The following AFF4 variants were observed in gnomAD, a reference collection of about 807,000 sequenced individuals.
The protein encoded by AFF4 is ALF transcription elongation factor 4, also known as AF4/FMR2 family member 4.
Under a neutral mutation model 124.8 loss-of-function variants are expected in AFF4, and 13 were observed. The ratio of observed to expected loss-of-function variants is 0.10; its 90% CI spans 0.07 to 0.17. AFF4 has a LOEUF of 0.17. Among genes scored for constraint, AFF4 ranks in the 10% least tolerant of loss-of-function variants. The pLI, the probability that AFF4 is intolerant of heterozygous loss-of-function variation, is 1.00. For missense variants in AFF4, 1,092 were observed against 1,403.8 expected, an observed-to-expected ratio of 0.78 and a Z score of 3.55; for synonymous variants, 477 against 496.1, an observed-to-expected ratio of 0.96 and a Z score of 0.51.
At chr5:132,959,763 T>C (rs1448284661) in intron 1 of AFF4, among the ~76,000 whole-genome samples, 2 of 135,496 alleles carry the variant, frequency 1.5e-5, no homozygotes, top group Non-Finnish European at 3.2e-5. Context: ...TTTTCTTTTT[T>C]TTTTTTTTTT....
At chr5:132,949,620 C>T (rs567955603) in intron 1 of AFF4, among the ~76,000 whole-genome samples, 20 of 151,310 alleles carry the variant, frequency 1.3e-4, no homozygotes, top group African/African-American at 3.9e-4. Context: ...GACCATCCTG[C>T]GGGTGGATCA....
chr5:132,929,436 G>A (rs1269973372), intron 4 of AFF4, among the ~76,000 whole-genome samples: 5 of 152,062 alleles, frequency 3.3e-5, no homozygotes, highest in African/African-American at 1.2e-4. Context: ...GAACTGTTGA[G>A]GATTCAGAGG....
intron 5 of AFF4, among the ~76,000 whole-genome samples, chr5:132,914,141 T>C (rs1324513873): frequency 6.6e-6 from 1 of 151,820 alleles, no homozygotes; most frequent in African/African-American, 2.4e-5. Context: ...GGCAGGAGAA[T>C]CCTTTGAACC....
chr5:132,905,025 G>A (rs1167263583), intron 5 of AFF4, among the ~76,000 whole-genome samples: 1 of 146,958 alleles, frequency 6.8e-6, no homozygotes, highest in African/African-American at 2.5e-5. Context: ...ACTCCAGCCT[G>A]GCAACAGGGC....
At chr5:132,917,517 G>A (rs987171150) in intron 5 of AFF4, among the ~76,000 whole-genome samples, 1 of 151,952 alleles carries the variant, frequency 6.6e-6, no homozygotes, top group Non-Finnish European at 1.5e-5. Flanking sequence ...ATTCTACCTA[G>A]TGCAATAAAG....
At chr5:132,962,214 A>C (rs1762095622) in intron 1 of AFF4, among the ~76,000 whole-genome samples, 1 of 152,198 alleles carries the variant, frequency 6.6e-6, no homozygotes, top group Non-Finnish European at 1.5e-5. Flanking sequence ...TCAATACAGA[A>C]ACGAAGCTTT....
chr5:132,934,929 C>T lies in AFF4; in HGVS notation c.136G>A (p.Asp46Asn). The T allele has an allele frequency of 6.4e-7, 1 of 1,557,238 alleles. No homozygotes were observed. Among genetic ancestry groups the T allele is most frequent in the Non-Finnish European group, 8.7e-7 (1 of 1,154,066 alleles). ...CTCTGAATACGACTTGATAACTTAT[C>T]TTCTTTGCTAGTCTACAAAAAAATA... ...AEPYKVTSKE[D>N]KLSSRIQSML... The change falls in exon 3 of 21, where the codon GAT becomes AAT. Residue 46 changes from aspartate (D) to asparagine (N), a missense_variant. Physicochemically the swap from Asp to Asn is conservative, Grantham distance 23. Transcript: ENST00000265343.
intron 1 of AFF4, among the ~76,000 whole-genome samples, chr5:132,939,180 G>C (rs1317460622): frequency 7.0e-6 from 1 of 143,234 alleles, no homozygotes; most frequent in Non-Finnish European, 1.5e-5. Context: ...TTGTGCCACT[G>C]ATCTCCAGCC....
chr5:132,959,602 C>T (rs1467975596), intron 1 of AFF4, among the ~76,000 whole-genome samples: 4 of 151,792 alleles, frequency 2.6e-5, no homozygotes, highest in Admixed American at 6.6e-5. Context: ...ATGATACCAG[C>T]GAAAATGAAC....
intron 5 of AFF4, among the ~76,000 whole-genome samples, chr5:132,922,345 G>C (rs1197701274): frequency 6.6e-6 from 1 of 152,088 alleles, no homozygotes; most frequent in Non-Finnish European, 1.5e-5. Context: ...TTGAGTCCGG[G>C]AGTTCGTGAG....
rs527569919 is a variant in AFF4, at chr5:132,895,973, G to A, written c.2307+350C>T. ...AGAATGGTAGGGATTATAACAATACGGGGAGTACATATCCAAACTAAAAAC... is the reference window on the plus strand; with the variant it reads ...AGAATGGTAGGGATTATAACAATACAGGGAGTACATATCCAAACTAAAAAC... On this transcript the variant is annotated intron_variant, in intron 11 of 20. Transcript: ENST00000265343. 5.9e-5 allele frequency among the ~76,000 whole-genome samples: 9 copies of A among 152,270 alleles called. No individual in the cohort carries two copies. The South Asian group carries it at 6.2e-4, about 11-fold the overall frequency.
At chr5:132,904,905 T>C (rs1310131496) in intron 5 of AFF4, among the ~76,000 whole-genome samples, 1 of 151,894 alleles carries the variant, frequency 6.6e-6, no homozygotes, top group Non-Finnish European at 1.5e-5. Flanking sequence ...AAAAATTAGT[T>C]GGGCGTGGTG....
At chr5:132,919,460 A>C (rs1340589715) in intron 5 of AFF4, among the ~76,000 whole-genome samples, 3 of 152,274 alleles carry the variant, frequency 2.0e-5, no homozygotes, top group Non-Finnish European at 4.4e-5. Flanking sequence ...ATATGTACAT[A>C]CAAGAGGATA....
intron 7 of AFF4, among the ~76,000 whole-genome samples, chr5:132,901,690 T>C (rs971661939): frequency 7.2e-5 from 11 of 152,232 alleles, no homozygotes; most frequent in Non-Finnish European, 1.3e-4. Flanking sequence ...TTACTTAATC[T>C]AGTGGTTAAA....
chr5:132,890,435 C>T (rs1052074181), intron 13 of AFF4, among the ~76,000 whole-genome samples: 5 of 151,906 alleles, frequency 3.3e-5, no homozygotes, highest in Non-Finnish European at 5.9e-5. Context: ...TGCCTGGCCC[C>T]CTCTATGTTT....
Position 132,896,837 on chromosome 5 carries a change from G to A in AFF4, c.1793C>T (p.Ser598Phe), listed in dbSNP as rs1286960365. Residue 598 changes from serine to phenylalanine, a missense_variant, in exon 11 of 21, where the codon TCC (serine) becomes TTC (phenylalanine). Physicochemically the swap from Ser to Phe is radical, Grantham distance 155. Coordinates refer to ENST00000265343, the MANE Select transcript of AFF4 (RefSeq NM_014423.4). Reference sequence around the variant, plus strand: ...TTTGGTGGCTGCTTTGTGTCTGCTGGAGGGCATGCTGCTAGCCAAGTCTAC... The same window carrying A: ...TTTGGTGGCTGCTTTGTGTCTGCTGAAGGGCATGCTGCTAGCCAAGTCTAC... ...TPVDLASSMP[S>F]SRHKAATKGS... 1 of 1,613,986 alleles carries A rather than the reference G, an allele frequency of 6.2e-7. No homozygotes were observed. The highest frequency in any genetic ancestry group is 1.3e-5 in the African/African-American group (1 of 74,986).
At chr5:132,899,419 GA>G (rs1206228494) in intron 8 of AFF4, among the ~76,000 whole-genome samples, 167 bp downstream of exon 8, 2 of 151,736 alleles carry the variant, frequency 1.3e-5, no homozygotes, top group Non-Finnish European at 2.9e-5. Flanking sequence ...AAAAAAATAA[GA>G]AAAAAATGGA....
rs561102636 is a variant in AFF4 at position 132,896,999 on chromosome 5, C to T, written c.1631G>A (p.Arg544His). 4 of 1,614,072 alleles carry T rather than the reference C, an allele frequency of 2.5e-6. No individual in the cohort carries two copies. Among genetic ancestry groups the T allele is most frequent in the Non-Finnish European group, 2.5e-6 (3 of 1,180,048 alleles). The change falls in exon 11 of 21, where the codon CGT becomes CAT. Residue 544 changes from arginine (R) to histidine (H), a missense_variant. Arg to His is a conservative substitution (Grantham distance 29, BLOSUM62 0). Transcript: ENST00000265343. Reference protein sequence around the residue: ...KTIQKGSESGRGRQKSPAQSD... With the variant: ...KTIQKGSESGHGRQKSPAQSD... ...CTGTGCAGGAGATTTCTGCCTCCCACGCCCACTTTCTGATCCCTTTTGGAT... is the reference window on the plus strand; with the variant it reads ...CTGTGCAGGAGATTTCTGCCTCCCATGCCCACTTTCTGATCCCTTTTGGAT...
rs2085344570 is a variant in AFF4, at chr5:132,877,249, A to T, written c.*3810T>A. On this transcript the variant is annotated 3_prime_UTR_variant, in exon 21 of 21. Transcript: ENST00000265343. Reference sequence around the variant, plus strand: ...TATAATGAGGCCATACTGTTCAATTAGCAACTGGAAAATTAAAATCTTTCC... The same window carrying T: ...TATAATGAGGCCATACTGTTCAATTTGCAACTGGAAAATTAAAATCTTTCC... The T allele has an allele frequency of 1.9e-5, 4 of 209,512 alleles. No individual in the cohort carries two copies. The South Asian group carries it at 7.5e-4, about 39-fold the overall frequency. 13.0% of individuals were successfully genotyped at this position (209,512 alleles called of 1,614,324 possible). A position where few individuals can be genotyped will look rare whatever the true frequency, so the allele number is the denominator to read the frequency against.
Sources: gnomAD v4.1 joint callset for allele counts (sites outside exome capture counted in the v4.1 genomes callset) on GRCh38, gnomAD v4.1.1 for gene constraint, MANE v1.5 for transcripts, NCBI Gene and HGNC (gene_info 2026-07-23, HGNC 2026-07-21) for gene names.